The following TAF4B variants were observed in gnomAD, a reference collection of about 807,000 sequenced individuals.
TAF4B encodes TATA-box binding protein associated factor 4b.
Under a neutral mutation model 86.4 loss-of-function variants are expected in TAF4B, and 38 were observed. That is an observed-to-expected ratio of 0.44 (90% CI 0.34 to 0.58). The LOEUF (loss-of-function observed/expected upper bound fraction) is 0.58. Ranked by LOEUF, TAF4B falls within the 20% of genes least tolerant of loss-of-function variation. The probability of loss-of-function intolerance (pLI) is 0.02; values close to 1 mark genes in which losing one functional copy is unlikely to be tolerated. For missense variants in TAF4B, 988 were observed against 1,027.6 expected (o/e 0.96, Z 0.53); for synonymous variants, 388 against 391.2 (o/e 0.99, Z 0.10).
intron 14 of TAF4B, among the ~76,000 whole-genome samples, chr18:26,376,910 G>A (rs1473267384): frequency 6.6e-6 from 1 of 151,940 alleles, no homozygotes; most frequent in Non-Finnish European, 1.5e-5. Context: ...TTTTTCAAAT[G>A]CTTTTTCTGC....
intron 3 of TAF4B, among the ~76,000 whole-genome samples, chr18:26,272,547 A>G (rs186142057): frequency 1.3e-5 from 2 of 152,254 alleles, no homozygotes; most frequent in Admixed American, 1.3e-4. Context: ...CTCTACTTGT[A>G]AACGATAGGA....
chr18:26,349,421 G>A (rs1391069184), intron 13 of TAF4B, among the ~76,000 whole-genome samples: 3 of 151,230 alleles, frequency 2.0e-5, no homozygotes, highest in African/African-American at 7.3e-5. Flanking sequence ...AAATCAAGAA[G>A]GCAATCCCAG....
chr18:26,330,624 C>T (rs1472567247), intron 12 of TAF4B, among the ~76,000 whole-genome samples: 1 of 152,028 alleles, frequency 6.6e-6, no homozygotes, highest in Non-Finnish European at 1.5e-5. Context: ...TATATGTACA[C>T]GTTTATATAT....
At chr18:26,373,376 C>G (rs962997503) in intron 14 of TAF4B, among the ~76,000 whole-genome samples, 1 of 152,070 alleles carries the variant, frequency 6.6e-6, no homozygotes, top group Non-Finnish European at 1.5e-5. Flanking sequence ...AGGTCCCTTT[C>G]CTGTTATTGT....
chr18:26,286,604 C>T (rs1041151692), intron 7 of TAF4B, 105 bp downstream of exon 7: 28 of 1,221,438 alleles, frequency 2.3e-5, no homozygotes, highest in East Asian at 1.7e-4. Flanking sequence ...ATACTGTTTA[C>T]GGGTTTGACC....
intron 14 of TAF4B, among the ~76,000 whole-genome samples, chr18:26,371,509 G>A (rs1400888185): frequency 6.6e-6 from 1 of 152,170 alleles, no homozygotes; most frequent in African/African-American, 2.4e-5. Flanking sequence ...GATTCCAGGT[G>A]GCAGAGGTAG....
intron 9 of TAF4B, among the ~76,000 whole-genome samples, chr18:26,300,262 T>C (rs1170809028): frequency 6.6e-6 from 1 of 151,696 alleles, no homozygotes; most frequent in Admixed American, 6.6e-5. Flanking sequence ...GTGCTGGGAT[T>C]ACAGGCATGA....
intron 12 of TAF4B, 151 bp downstream of exon 12, chr18:26,327,291 C>A: frequency 2.1e-6 from 2 of 962,696 alleles, no homozygotes; most frequent in Non-Finnish European, 2.9e-6. Context: ...GTCTCACAGC[C>A]AGGATGGTGT....
chr18:26,230,270 G>GA (rs2055645280), intron 1 of TAF4B, among the ~76,000 whole-genome samples: 1 of 152,202 alleles, frequency 6.6e-6, no homozygotes, highest in South Asian at 2.1e-4. Flanking sequence ...GTACAAAAGT[G>GA]TGAAAGTTAC....
chr18:26,271,882 G>A (rs2056323056), intron 3 of TAF4B, among the ~76,000 whole-genome samples: 1 of 143,994 alleles, frequency 6.9e-6, no homozygotes, highest in South Asian at 2.2e-4. Context: ...AGCCGAGATC[G>A]CACCACTGCA....
intron 14 of TAF4B, among the ~76,000 whole-genome samples, chr18:26,361,721 A>T (rs1185082411): frequency 6.8e-6 from 1 of 146,452 alleles, no homozygotes; most frequent in Non-Finnish European, 1.5e-5. Context: ...CTCCAGCCTG[A>T]GCAACAGAGT....
intron 9 of TAF4B, 36 bp from the exon 10 acceptor site, chr18:26,315,193 A>ACACACACAAAC: frequency 7.2e-7 from 1 of 1,393,056 alleles, no homozygotes; most frequent in Non-Finnish European, 9.5e-7. Flanking sequence ...ACACACACAC[A>ACACACACAAAC]ACCTAAAATG....
intron 1 of TAF4B, among the ~76,000 whole-genome samples, chr18:26,243,343 A>G (rs567442757): frequency 7.2e-4 from 109 of 152,148 alleles, no homozygotes; most frequent in Non-Finnish European, 1.2e-3. Flanking sequence ...TTGATCTTCA[A>G]TCACTGATAC....
chr18:26,382,623 C>T (rs1416160882), intron 14 of TAF4B, among the ~76,000 whole-genome samples: 1 of 152,064 alleles, frequency 6.6e-6, no homozygotes, highest in African/African-American at 2.4e-5. Flanking sequence ...TTAAAGCTGA[C>T]AATGACAGCA....
In TAF4B at chr18:26,391,125, A is replaced by C. The variant is rs1978682948; in HGVS notation, c.*1113A>C. The C allele has an allele frequency of 2.0e-5, 3 of 151,140 alleles. No individual in the cohort carries two copies. The highest frequency in any genetic ancestry group is 4.4e-5 in the Non-Finnish European group (3 of 67,868). The allele number at this position is 151,140 out of a possible 1,614,324, so 9.4% of individuals were successfully genotyped here. On this transcript the variant is annotated 3_prime_UTR_variant, in exon 15 of 15. Transcript: ENST00000269142. The stretch of plus-strand genomic sequence containing the variant: ...ACTTAAAAGGTACTGTCAATATCTC[A>C]CTCTTGGGGATATGAGCTCTAAATA...
At chr18:26,230,224 C>T (rs2055644539) in intron 1 of TAF4B, among the ~76,000 whole-genome samples, 2 of 152,120 alleles carry the variant, frequency 1.3e-5, no homozygotes, top group South Asian at 4.2e-4. Context: ...TCTTTTAGGT[C>T]ATAAACTGGG....
chr18:26,370,373 A>T (rs1054854846), intron 14 of TAF4B, among the ~76,000 whole-genome samples: 4 of 151,502 alleles, frequency 2.6e-5, no homozygotes, highest in African/African-American at 9.7e-5. Context: ...GTGGAAAATT[A>T]AAAATTGCAT....
rs757705486 is a variant in TAF4B at position 26,286,064 on chromosome 18, A to T, written c.1155A>T (p.Ala385=). Residue 385 remains alanine (A), a synonymous_variant, in exon 7 of 15, where the codon GCA becomes GCT. Coordinates refer to ENST00000269142, the MANE Select transcript of TAF4B (RefSeq NM_005640.3). The stretch of plus-strand genomic sequence containing the variant: ...AAAAGTCAATTATTGTTTCTGGAGC[A>T]ACAGCACCCAGAACTGTGTCAGTGC... ...QSEKSIIVSG[A]TAPRTVSVQT... 1 of 1,614,230 alleles carries T rather than the reference A, an allele frequency of 6.2e-7. No homozygotes were observed. The highest frequency in any genetic ancestry group is 1.1e-5 in the South Asian group (1 of 91,086).
intron 9 of TAF4B, among the ~76,000 whole-genome samples, chr18:26,303,398 C>A (rs1267262922): frequency 1.0e-5 from 1 of 96,614 alleles, no homozygotes. Flanking sequence ...CCACTTTCAT[C>A]CTCCCTCCAC....
Sources: allele counts gnomAD v4.1 joint callset (sites outside exome capture counted in the v4.1 genomes callset), GRCh38; gene constraint gnomAD v4.1.1; transcripts MANE v1.5; gene names NCBI Gene and HGNC (gene_info 2026-07-23, HGNC 2026-07-21).